The following EPHA3 variants were observed in gnomAD, a reference collection of about 807,000 sequenced individuals.
EPHA3 encodes the protein EPH receptor A3, also known as ephrin type-A receptor 3.
EPHA3 carries 42 observed loss-of-function variants against 107.1 expected under a neutral mutation model. The ratio of observed to expected loss-of-function variants is 0.39; its 90% CI spans 0.31 to 0.51. The LOEUF is 0.51. EPHA3 is among the 20% of genes least tolerant of loss of function. The pLI is 0.78. For missense variants in EPHA3, 1,183 were observed against 1,211.2 expected (o/e 0.98, Z 0.35); for synonymous variants, 461 against 424.8 (o/e 1.09, Z -1.05).
intron 3 of EPHA3, among the ~76,000 whole-genome samples, chr3:89,261,046 C>T (rs1705402961): frequency 6.6e-6 from 1 of 152,178 alleles, no homozygotes; most frequent in Admixed American, 6.5e-5. Context: ...TGAGCTTGCT[C>T]TTCTTACAAT....
At chr3:89,429,356 T>C (rs1401198124) in intron 12 of EPHA3, among the ~76,000 whole-genome samples, 189 bp downstream of exon 12, 3 of 152,180 alleles carry the variant, frequency 2.0e-5, no homozygotes, top group Non-Finnish European at 4.4e-5. Context: ...GTTAATGGTT[T>C]ATATTTTTAA....
At chr3:89,441,729 C>G (rs190279256) in intron 13 of EPHA3, among the ~76,000 whole-genome samples, 21 of 152,200 alleles carry the variant, frequency 1.4e-4, no homozygotes, top group African/African-American at 5.1e-4. Context: ...TGGTCACAAT[C>G]AAGAACAGAA....
At chr3:89,449,463 T>G in intron 14 of EPHA3, 89 bp downstream of exon 14, 1 of 1,201,524 alleles carries the variant, frequency 8.3e-7, no homozygotes, top group Non-Finnish European at 1.1e-6. Context: ...GGGTGGCTCC[T>G]GGTTTATAAC....
chr3:89,303,903 T>TGAA (rs1706549819), intron 3 of EPHA3, among the ~76,000 whole-genome samples: 1 of 152,154 alleles, frequency 6.6e-6, no homozygotes, highest in Admixed American at 6.6e-5. Context: ...GAGTTTAAAC[T>TGAA]GGCTATCCCT....
At chr3:89,386,503 C>T (rs1260894540) in intron 5 of EPHA3, among the ~76,000 whole-genome samples, 1 of 152,178 alleles carries the variant, frequency 6.6e-6, no homozygotes, top group Admixed American at 6.5e-5. Context: ...GGAACCTCCA[C>T]CTATATTTCA....
intron 3 of EPHA3, among the ~76,000 whole-genome samples, chr3:89,216,305 G>T (rs927912659): frequency 6.6e-6 from 1 of 151,866 alleles, no homozygotes; most frequent in East Asian, 1.9e-4. Flanking sequence ...TCAGTTTTCT[G>T]TCCAAAGGAA....
rs538876822 is a variant in EPHA3, at chr3:89,170,393, T to C, written c.154-39467T>C. Among the ~76,000 whole-genome samples, 12 of 152,324 alleles carry C rather than the reference T, an allele frequency of 7.9e-5. No homozygotes were observed. In the East Asian group the frequency reaches 2.3e-3, roughly 29 times the overall value. On this transcript the variant is annotated intron_variant, in intron 2 of 16. Transcript: ENST00000336596. The stretch of plus-strand genomic sequence containing the variant: ...TATTTTATTTTCCTCATAAGGACTT[T>C]GTCATATTGGATTACTTTGGACCCA...
At chr3:89,177,717 T>G (rs547044104) in intron 2 of EPHA3, among the ~76,000 whole-genome samples, 9 of 152,336 alleles carry the variant, frequency 5.9e-5, no homozygotes, top group Admixed American at 2.0e-4. Flanking sequence ...ATGCACTGTT[T>G]TATCAAATCA....
chr3:89,338,408 T>C (rs1559652416), intron 3 of EPHA3, among the ~76,000 whole-genome samples: 1 of 152,246 alleles, frequency 6.6e-6, no homozygotes, highest in Non-Finnish European at 1.5e-5. Context: ...AATGAAGTGA[T>C]TGCTCAGCAT....
At position 89,323,755 on chromosome 3, in the gene EPHA3, G is replaced by A. The variant is rs113775586; in HGVS notation, c.815-17161G>A. On this transcript the variant is annotated intron_variant, in intron 3 of 16. Transcript: ENST00000336596. The stretch of plus-strand genomic sequence containing the variant: ...AGTAAAGATAGTTTATTTTTCTTAC[G>A]TATCAGTAACGTGAAAGATTTCTCC... Among the ~76,000 whole-genome samples, 847 of 151,952 alleles carry A rather than the reference G, an allele frequency of 5.6e-3. 8 individuals carry two copies. Among genetic ancestry groups the A allele is most frequent in the African/African-American group, 0.02 (811 of 41,468 alleles).
intron 5 of EPHA3, among the ~76,000 whole-genome samples, chr3:89,364,031 T>A (rs73846157): frequency 0.032 from 4,827 of 150,896 alleles, 305 homozygotes; most frequent in African/African-American, 0.11. Flanking sequence ...AGGTTTTTTT[T>A]ATTGGTAAAT....
intron 3 of EPHA3, among the ~76,000 whole-genome samples, chr3:89,234,219 G>A (rs1484425768): frequency 1.3e-5 from 2 of 152,058 alleles, no homozygotes. Flanking sequence ...ATATAAAATA[G>A]AATAGAAATT....
chr3:89,342,225 A>G (rs1024794114), intron 5 of EPHA3, 135 bp downstream of exon 5: 1 of 671,078 alleles, frequency 1.5e-6, no homozygotes, highest in Non-Finnish European at 2.5e-6. Flanking sequence ...ACACATTTAA[A>G]CAGTTATGGC....
chr3:89,325,312 T>C (rs1469101307), intron 3 of EPHA3, among the ~76,000 whole-genome samples: 1 of 152,200 alleles, frequency 6.6e-6, no homozygotes, highest in Admixed American at 6.5e-5. Context: ...CTATGTCTTA[T>C]GATTTCTTAT....
At chr3:89,188,711 A>G (rs189671263) in intron 2 of EPHA3, among the ~76,000 whole-genome samples, 30 of 152,252 alleles carry the variant, frequency 2.0e-4, no homozygotes, top group Non-Finnish European at 1.9e-4. Context: ...CTTTCACCAA[A>G]CCTGCTCCTT....
intron 15 of EPHA3, among the ~76,000 whole-genome samples, chr3:89,455,815 G>A (rs1422152273): frequency 6.6e-6 from 1 of 152,182 alleles, no homozygotes; most frequent in Middle Eastern, 3.2e-3. Flanking sequence ...TTCTGTGGCA[G>A]CACCAGTGAA....
At chr3:89,204,155 C>A (rs1462608056) in intron 2 of EPHA3, among the ~76,000 whole-genome samples, 2 of 152,114 alleles carry the variant, frequency 1.3e-5, no homozygotes, top group Admixed American at 6.6e-5. Flanking sequence ...AATTCTGATT[C>A]TTTTACATTT....
chr3:89,166,652 G>T (rs539144626), intron 2 of EPHA3, among the ~76,000 whole-genome samples: 2 of 151,874 alleles, frequency 1.3e-5, no homozygotes, highest in African/African-American at 2.4e-5. Context: ...CCTCTGATTT[G>T]CTCTCCTTTT....
intron 5 of EPHA3, among the ~76,000 whole-genome samples, chr3:89,380,503 A>G (rs913500103): frequency 1.3e-5 from 2 of 152,190 alleles, no homozygotes; most frequent in African/African-American, 4.8e-5. Context: ...CTGGTGTAAC[A>G]ATGCCCTCAT....
Sources: allele counts gnomAD v4.1 joint callset (sites outside exome capture counted in the v4.1 genomes callset), GRCh38; gene constraint gnomAD v4.1.1; transcripts MANE v1.5; gene names NCBI Gene and HGNC (gene_info 2026-07-23, HGNC 2026-07-21).